RABGEF1: variants seen among roughly 807,000 people sequenced by gnomAD.
The protein encoded by RABGEF1 is rab5 GDP/GTP exchange factor.
A neutral mutation model predicts 57.3 loss-of-function variants in RABGEF1; 26 were observed. The observed-to-expected ratio is 0.45, with a 90% CI of 0.33 to 0.63. RABGEF1 has a LOEUF of 0.63. Among genes scored for constraint, RABGEF1 ranks in the 20% least tolerant of loss-of-function variants. The pLI is 0.02. For synonymous variants in RABGEF1, 185 were observed against 210.7 expected (o/e 0.88, Z 1.06); for missense variants, 464 against 607.6 (o/e 0.76, Z 2.48).
chr7:66,766,705 T>C (rs1410022289), intron 1 of RABGEF1, among the ~76,000 whole-genome samples: 1 of 138,032 alleles, frequency 7.2e-6, no homozygotes, highest in Admixed American at 7.2e-5. Context: ...TTCCCACTGT[T>C]ACCTCTTATT....
chr7:66,800,934 G>A (rs1584255556), intron 7 of RABGEF1, among the ~76,000 whole-genome samples: 2 of 152,234 alleles, frequency 1.3e-5, no homozygotes, highest in African/African-American at 2.4e-5. Context: ...AGTGGGACTC[G>A]ATAGGAGAGG....
At chr7:66,671,019 TTA>T in the RABGEF1 span, among the ~76,000 whole-genome samples, 13 of 142,056 alleles carry the variant, frequency 9.2e-5, no homozygotes, top group African/African-American at 2.4e-4. Context: ...ATATCTATAT[TTA>T]TATATATATA....
chr7:66,781,905 G>A (rs1454209413), intron 3 of RABGEF1, among the ~76,000 whole-genome samples: 1 of 152,198 alleles, frequency 6.6e-6, no homozygotes, highest in Non-Finnish European at 1.5e-5. Flanking sequence ...CTCTAGGACA[G>A]ACTCTGTTTG....
At chr7:66,788,771 T>C (rs1811848673) in intron 4 of RABGEF1, among the ~76,000 whole-genome samples, 1 of 151,952 alleles carries the variant, frequency 6.6e-6, no homozygotes, top group South Asian at 2.1e-4. Flanking sequence ...CTGGCCAACA[T>C]AGTGAAATCC....
chr7:66,782,365 T>C (rs1178706513), intron 3 of RABGEF1, among the ~76,000 whole-genome samples: 2 of 152,184 alleles, frequency 1.3e-5, no homozygotes, highest in Admixed American at 6.5e-5. Flanking sequence ...ACTAGTTTCT[T>C]GTGTATCCTT....
chr7:66,728,590 A>T (rs1256435048), intron 2 of RABGEF1, among the ~76,000 whole-genome samples: 1 of 152,218 alleles, frequency 6.6e-6, no homozygotes, highest in Non-Finnish European at 1.5e-5. Flanking sequence ...CCTTATCTCC[A>T]CCTCCACCTC....
chr7:66,746,429 A>G (rs1800232325), intron 1 of RABGEF1, among the ~76,000 whole-genome samples: 1 of 150,164 alleles, frequency 6.7e-6, no homozygotes, highest in Non-Finnish European at 1.5e-5. Context: ...CAGCCTCCCG[A>G]GTAGTTAACC....
intron 1 of RABGEF1, among the ~76,000 whole-genome samples, chr7:66,761,272 A>G (rs1464947528): frequency 6.6e-6 from 1 of 152,200 alleles, no homozygotes; most frequent in African/African-American, 2.4e-5. Flanking sequence ...CTCAGTCCCC[A>G]TGAGTGCCCC....
Position 66,697,878 on chromosome 7 carries a change from T to A in RABGEF1, c.-872-14289T>A, listed in dbSNP as rs574872472. Among the ~76,000 whole-genome samples the A allele has an allele frequency of 1.1e-4, 16 of 151,816 alleles. No homozygotes were observed. The South Asian group carries it at 1.3e-3, about 12-fold the overall frequency. On this transcript the variant is annotated intron_variant and NMD_transcript_variant, in intron 1 of 9. Coordinates refer to the RABGEF1 transcript ENST00000607882. ...TGTCCAGGGAAAAAAGGTCCAGGAGTCCGAGAGCAAGTGAGGCTGCTCACC... is the reference window on the plus strand; with the variant it reads ...TGTCCAGGGAAAAAAGGTCCAGGAGACCGAGAGCAAGTGAGGCTGCTCACC...
At chr7:66,739,657 CAAAAAAAAA>C (rs10554809), upstream of RABGEF1, among the ~76,000 whole-genome samples, 6 of 80,394 alleles carry the variant, frequency 7.5e-5, no homozygotes, top group African/African-American at 2.7e-4. Context: ...GTGAGAGTCT[CAAAAAAAAA>C]AAAAAAAAAA....
chr7:66,795,654 A>G, intron 5 of RABGEF1, 62 bp downstream of exon 5: 1 of 1,436,196 alleles, frequency 7.0e-7, no homozygotes, highest in Non-Finnish European at 9.8e-7. Context: ...TCAGTCTCTT[A>G]GCAATTTCTT....
At chr7:66,744,369 C>CAA (rs947458817) in intron 1 of RABGEF1, among the ~76,000 whole-genome samples, 2 of 120,434 alleles carry the variant, frequency 1.7e-5, no homozygotes, top group African/African-American at 3.1e-5. Context: ...TGCATCTCTA[C>CAA]AAAAAAAAAA....
intron 2 of RABGEF1, among the ~76,000 whole-genome samples, chr7:66,717,140 T>G (rs1795502731): frequency 6.6e-6 from 1 of 152,216 alleles, no homozygotes; most frequent in Non-Finnish European, 1.5e-5. Context: ...ATTTGACTAT[T>G]GCTTAGTATT....
chr7:66,797,601 G>A, intron 6 of RABGEF1, 95 bp downstream of exon 6: 2 of 1,351,572 alleles, frequency 1.5e-6, no homozygotes, highest in Non-Finnish European at 2.0e-6. Flanking sequence ...AAACCTTAAG[G>A]GAAAGCAATA....
At chr7:66,704,685 C>T (rs1406825790) in intron 1 of RABGEF1, among the ~76,000 whole-genome samples, 1 of 151,974 alleles carries the variant, frequency 6.6e-6, no homozygotes, top group Non-Finnish European at 1.5e-5. Context: ...GTGGTGGGCG[C>T]CTGTAGTCCC....
chr7:66,741,473 G>A (rs935567442), intron 1 of RABGEF1, among the ~76,000 whole-genome samples: 5 of 152,180 alleles, frequency 3.3e-5, no homozygotes, highest in East Asian at 1.9e-4. Context: ...GAGAGAGGGA[G>A]GGACTCTGCC....
At chr7:66,737,842 A>C (rs538336677), upstream of RABGEF1, among the ~76,000 whole-genome samples, 1 of 152,052 alleles carries the variant, frequency 6.6e-6, no homozygotes, top group South Asian at 2.1e-4. Flanking sequence ...TGCTACTGCT[A>C]AACAGGTTAG....
At chr7:66,774,832 C>A (rs1808120046) in intron 2 of RABGEF1, among the ~76,000 whole-genome samples, 2 of 152,208 alleles carry the variant, frequency 1.3e-5, no homozygotes, top group African/African-American at 4.8e-5. Flanking sequence ...AAAGCCTCGT[C>A]AGACTCCCCC....
the RABGEF1 span, among the ~76,000 whole-genome samples, chr7:66,664,590 C>T: frequency 6.6e-6 from 1 of 152,116 alleles, no homozygotes; most frequent in Non-Finnish European, 1.5e-5. Context: ...GGCAACAGAA[C>T]GAGACCGTGT....
Sources: gnomAD v4.1 joint callset for allele counts (sites outside exome capture counted in the v4.1 genomes callset) on GRCh38, gnomAD v4.1.1 for gene constraint, MANE v1.5 for transcripts, NCBI Gene and HGNC (gene_info 2026-07-23, HGNC 2026-07-21) for gene names.